Variants in TENM3 observed in about 807,000 individuals in gnomAD.
TENM3 encodes the protein teneurin transmembrane protein 3.
In TENM3, 63 loss-of-function variants were observed where a neutral mutation model predicts 255.1. The observed-to-expected ratio is 0.25, with a 90% confidence interval of 0.20 to 0.30. TENM3 has a LOEUF of 0.30. Ranked by LOEUF, TENM3 falls within the 10% of genes least tolerant of loss-of-function variation. The probability of loss-of-function intolerance (pLI) is 1.00; values close to 1 mark genes in which losing one functional copy is unlikely to be tolerated. For missense variants in TENM3, 2,929 were observed against 3,461.1 expected (o/e 0.85, Z 3.86); for synonymous variants, 1,306 against 1,322.3 (o/e 0.99, Z 0.27).
At chr4:181,763,076 A>T in the TENM3 span, among the ~76,000 whole-genome samples, 1 of 152,232 alleles carries the variant, frequency 6.6e-6, no homozygotes, top group African/African-American at 2.4e-5. Flanking sequence ...ATGATGATTG[A>T]TGACTATGAA....
chr4:181,888,494 G>GTATGTATATA, the TENM3 span, among the ~76,000 whole-genome samples: 4 of 28,242 alleles, frequency 1.4e-4, no homozygotes, highest in African/African-American at 6.8e-4. Flanking sequence ...ATAGAAATGT[G>GTATGTATATA]TATATATATA....
chr4:181,535,763 G>A, the TENM3 span, among the ~76,000 whole-genome samples: 26 of 152,096 alleles, frequency 1.7e-4, no homozygotes, highest in Non-Finnish European at 3.2e-4. Context: ...CATCTGCCAA[G>A]ATGCTCCCTG....
chr4:182,037,961 A>G, the TENM3 span, among the ~76,000 whole-genome samples: 288 of 152,220 alleles, frequency 1.9e-3, 2 homozygotes, highest in African/African-American at 6.7e-3. Context: ...CCTCCCAAGT[A>G]GCTGGGATTA....
chr4:181,829,382 A>G, the TENM3 span, among the ~76,000 whole-genome samples: 2 of 152,304 alleles, frequency 1.3e-5, no homozygotes, highest in Non-Finnish European at 1.5e-5. Flanking sequence ...AAAGAGATAT[A>G]TTGATGGGGC....
At chr4:182,392,657 G>A (rs1426245884) in intron 3 of TENM3, among the ~76,000 whole-genome samples, 1 of 151,518 alleles carries the variant, frequency 6.6e-6, no homozygotes, top group Non-Finnish European at 1.5e-5. Context: ...CCAAACCTAG[G>A]GGAATGCCTC....
intron 3 of TENM3, among the ~76,000 whole-genome samples, chr4:182,413,211 T>C (rs922672471): frequency 6.6e-6 from 1 of 152,052 alleles, no homozygotes; most frequent in Non-Finnish European, 1.5e-5. Flanking sequence ...GGTTAAGGAT[T>C]TTTCAGAACT....
At chr4:182,151,645 A>G (rs1215360061) in intron 1 of TENM3, among the ~76,000 whole-genome samples, 4 of 152,044 alleles carry the variant, frequency 2.6e-5, no homozygotes, top group African/African-American at 9.7e-5. Context: ...TAAATCTATG[A>G]CTTTTTTTCT....
At chr4:182,764,687 G>A (rs1484944652) in intron 22 of TENM3, among the ~76,000 whole-genome samples, 1 of 152,194 alleles carries the variant, frequency 6.6e-6, no homozygotes, top group Admixed American at 6.6e-5. Flanking sequence ...AGCATCGAAT[G>A]TGTGTGGGGA....
chr4:181,739,176 A>G, the TENM3 span, among the ~76,000 whole-genome samples: 1 of 152,232 alleles, frequency 6.6e-6, no homozygotes, highest in South Asian at 2.1e-4. Flanking sequence ...TTGTAATTGC[A>G]TTCAATCAGC....
At chr4:181,867,082 C>T in the TENM3 span, among the ~76,000 whole-genome samples, 1 of 152,182 alleles carries the variant, frequency 6.6e-6, no homozygotes, top group Non-Finnish European at 1.5e-5. Flanking sequence ...TGCTTCTCAT[C>T]AGTTTGTCTC....
chr4:181,713,898 A>G, the TENM3 span, among the ~76,000 whole-genome samples: 1 of 152,080 alleles, frequency 6.6e-6, no homozygotes, highest in Non-Finnish European at 1.5e-5. Context: ...AGCGTTTCCC[A>G]CAGAATGTCA....
chr4:182,735,260 C>G (rs1761073528), intron 16 of TENM3, among the ~76,000 whole-genome samples: 1 of 152,190 alleles, frequency 6.6e-6, no homozygotes, highest in Non-Finnish European at 1.5e-5. Context: ...ATTCGTGTAT[C>G]TACATTAGAA....
At chr4:182,514,467 A>G (rs879503501) in intron 3 of TENM3, among the ~76,000 whole-genome samples, 1 of 152,226 alleles carries the variant, frequency 6.6e-6, no homozygotes, top group Non-Finnish European at 1.5e-5. Flanking sequence ...ATGTAGAAAT[A>G]TCTAGTGAGC....
chr4:182,243,946 CTTTTTTTTT>C (rs967487689), intron 1 of TENM3, among the ~76,000 whole-genome samples: 8 of 72,914 alleles, frequency 1.1e-4, no homozygotes, highest in African/African-American at 1.7e-4. Flanking sequence ...TTTGTGTTTT[CTTTTTTTTT>C]TTTTTTTTTT....
the TENM3 span, among the ~76,000 whole-genome samples, chr4:182,065,232 A>G: frequency 3.9e-5 from 6 of 152,090 alleles, no homozygotes; most frequent in East Asian, 9.7e-4. Flanking sequence ...ATGGGCTTTC[A>G]CCATGTTGGC....
chr4:182,698,222 T>C (rs1757578596), intron 12 of TENM3: 1 of 152,206 alleles, frequency 6.6e-6, no homozygotes. Context: ...GTTTCTATCA[T>C]AGTTTAGCCT....
At chr4:182,700,355 T>G (rs1757756336) in intron 12 of TENM3, among the ~76,000 whole-genome samples, 1 of 152,242 alleles carries the variant, frequency 6.6e-6, no homozygotes, top group South Asian at 2.1e-4. Flanking sequence ...TTGCCATTTC[T>G]TGAATATGAC....
At chr4:181,741,382 G>C in the TENM3 span, among the ~76,000 whole-genome samples, 4 of 152,058 alleles carry the variant, frequency 2.6e-5, no homozygotes, top group African/African-American at 9.7e-5. Flanking sequence ...TCTATTAGTA[G>C]CTCTTGAGAA....
At chr4:182,306,987 C>A (rs913186332) in intron 1 of TENM3, among the ~76,000 whole-genome samples, 3 of 152,170 alleles carry the variant, frequency 2.0e-5, no homozygotes, top group Non-Finnish European at 1.5e-5. Context: ...TACATCACAG[C>A]AATTAAAATA....
Sources: allele counts gnomAD v4.1 joint callset (sites outside exome capture counted in the v4.1 genomes callset), GRCh38; gene constraint gnomAD v4.1.1; transcripts MANE v1.5; gene names NCBI Gene and HGNC (gene_info 2026-07-23, HGNC 2026-07-21).